Variants in KIAA1549L observed in about 807,000 individuals in gnomAD.
KIAA1549L encodes KIAA1549 like.
A neutral mutation model predicts 160.7 loss-of-function variants in KIAA1549L; 88 were observed. That is an observed-to-expected ratio of 0.55 (90% confidence interval 0.46 to 0.65). The LOEUF is 0.65. Ranked by LOEUF, KIAA1549L falls within the 30% of genes least tolerant of loss-of-function variation. KIAA1549L has a pLI of 0.00. For missense variants in KIAA1549L, 2,258 were observed against 2,437.5 expected, an observed-to-expected ratio of 0.93 and a Z score of 1.55; for synonymous variants, 950 against 976.7, an observed-to-expected ratio of 0.97 and a Z score of 0.51.
intron 9 of KIAA1549L, among the ~76,000 whole-genome samples, chr11:33,568,568 A>G (rs1028931493): frequency 5.3e-5 from 8 of 152,240 alleles, no homozygotes; most frequent in Admixed American, 1.3e-4. Flanking sequence ...AGTAAGCTCA[A>G]TGAAGTCCCA....
chr11:33,420,237 T>TTGTTTGTTTTTTTTGTTTTGTTTTG (rs1554975229), intron 1 of KIAA1549L, among the ~76,000 whole-genome samples: 21 of 98,732 alleles, frequency 2.1e-4, no homozygotes, highest in Non-Finnish European at 2.8e-4. Context: ...TTTTTTTTGT[T>TTGTTTGTTTTTTTTGTTTTGTTTTG]TTTTTTTTTT....
intron 15 of KIAA1549L, among the ~76,000 whole-genome samples, chr11:33,613,269 A>G (rs764937047): frequency 1.1e-4 from 16 of 152,042 alleles, no homozygotes; most frequent in Non-Finnish European, 1.6e-4. Flanking sequence ...AGCATCTACT[A>G]TTTTTTGACT....
chr11:33,383,371 A>G (rs1338639295), intron 1 of KIAA1549L, among the ~76,000 whole-genome samples: 1 of 151,934 alleles, frequency 6.6e-6, no homozygotes, highest in Non-Finnish European at 1.5e-5. Context: ...TTGACAACAT[A>G]TTAGAGGGGA....
chr11:33,446,735 A>G (rs1438147534), intron 1 of KIAA1549L, among the ~76,000 whole-genome samples: 2 of 152,042 alleles, frequency 1.3e-5, no homozygotes, highest in Admixed American at 6.6e-5. Flanking sequence ...TGACTGGAAC[A>G]TTGCTTCTTT....
Position 33,509,935 on chromosome 11 carries a change from A to T in KIAA1549L, c.239-31867A>T, listed in dbSNP as rs551111986. Among the ~76,000 whole-genome samples the T allele has an allele frequency of 3.9e-5, 6 of 152,226 alleles. No homozygotes were observed. The East Asian group carries it at 1.2e-3, about 29-fold the overall frequency. On this transcript the variant is annotated intron_variant, in intron 1 of 20. Coordinates refer to ENST00000658780, the MANE Select transcript of KIAA1549L (RefSeq NM_012194.3). The stretch of plus-strand genomic sequence containing the variant: ...AGGGACTCATTTCTCTCTGTCAGTA[A>T]TTGCTCTGCTGGTGCCACATTTCAT...
chr11:33,561,969 T>C (rs187194689), intron 8 of KIAA1549L, among the ~76,000 whole-genome samples: 196 of 152,314 alleles, frequency 1.3e-3, no homozygotes, highest in African/African-American at 4.5e-3. Context: ...TCCTCTTTTG[T>C]AAAAAGTGAC....
chr11:33,532,545 G>A (rs2746548), intron 1 of KIAA1549L, among the ~76,000 whole-genome samples: 106,231 of 152,102 alleles, frequency 0.7, 37,880 homozygotes, highest in African/African-American at 0.85. Context: ...AAGGAAACTG[G>A]CACACAGAGA....
chr11:33,543,931 T>C lies in KIAA1549L; in HGVS notation c.2368T>C (p.Ser790Pro), dbSNP rs887729384. Residue 790 changes from serine (S) to proline (P), a missense_variant, in exon 2 of 21, where the codon TCA becomes CCA. This residue lies in a region of KIAA1549L where 287 missense variants were observed against 292.3 expected (regional missense o/e 0.98). Coordinates refer to ENST00000658780, the MANE Select transcript of KIAA1549L (RefSeq NM_012194.3). ...AAGCATTGAGCAGCCTGTGCAACAG[T>C]CAGACATGACCATGGTTGGAAGCCA... ...GTSIEQPVQQSDMTMVGSHID... is the reference protein window; with the variant it reads ...GTSIEQPVQQPDMTMVGSHID... 4.3e-6 allele frequency: 7 copies of C among 1,613,936 alleles called. No individual in the cohort carries two copies. Among genetic ancestry groups the C allele is most frequent in the Non-Finnish European group, 5.1e-6 (6 of 1,179,878 alleles).
At position 33,672,704 on chromosome 11, in the gene KIAA1549L, ACT is replaced by A. The variant is rs1243262639; in HGVS notation, c.*4553_*4554del. On this transcript the variant is annotated 3_prime_UTR_variant, in exon 21 of 21. Coordinates refer to ENST00000658780, the MANE Select transcript of KIAA1549L (RefSeq NM_012194.3). ...TCAGGTGAGGGTGCACACACTTGAA[ACT>A]CTGCTAGACTGGCCAGAGCTGCCCC... 1.3e-5 allele frequency: 2 copies of A among 153,166 alleles called. No individual in the cohort carries two copies. The highest frequency in any genetic ancestry group is 2.4e-5 in the African/African-American group (1 of 41,226). 9.5% of individuals were successfully genotyped at this position (153,166 alleles called of 1,614,324 possible).
In KIAA1549L at chr11:33,543,531, G is replaced by A. The variant is rs765224714; in HGVS notation, c.1968G>A (p.Val656=). The stretch of plus-strand genomic sequence containing the variant: ...AGCCAGAGGCTTATGCAGCTGCTGT[G>A]GACCATTCTGGGTTGCCAGCTTCAG... ...STKPEAYAAA[V]DHSGLPASAS... is the part of the protein sequence containing the mutation. The change falls in exon 2 of 21, where the codon GTG becomes GTA. Residue 656 remains valine, a synonymous_variant. Transcript: ENST00000658780. The A allele has an allele frequency of 3.7e-6, 6 of 1,614,020 alleles. No homozygotes were observed. The Middle Eastern group carries it at 6.6e-4, about 178-fold the overall frequency.
intron 1 of KIAA1549L, among the ~76,000 whole-genome samples, chr11:33,427,551 A>C (rs1851144561): frequency 6.6e-6 from 1 of 151,084 alleles, no homozygotes; most frequent in Non-Finnish European, 1.5e-5. Flanking sequence ...TTTTCAGCAA[A>C]CCCCCTTGAA....
chr11:33,617,178 A>G (rs1331308805), intron 15 of KIAA1549L, among the ~76,000 whole-genome samples: 1 of 151,774 alleles, frequency 6.6e-6, no homozygotes, highest in Non-Finnish European at 1.5e-5. Context: ...TTCTGAAGAT[A>G]GATAGTCTTA....
At chr11:33,630,361 G>A (rs779786794) in intron 16 of KIAA1549L, among the ~76,000 whole-genome samples, 2 of 151,558 alleles carry the variant, frequency 1.3e-5, no homozygotes, top group Non-Finnish European at 2.9e-5. Context: ...GGGCAATGGC[G>A]GGCGCCCCTC....
chr11:33,598,196 G>GTA, intron 12 of KIAA1549L, among the ~76,000 whole-genome samples: 1 of 132,192 alleles, frequency 7.6e-6, no homozygotes, highest in African/African-American at 3.0e-5. Flanking sequence ...ATGTTTGTGT[G>GTA]TGTGTGTGTG....
At chr11:33,656,460 G>T (rs1169007575) in intron 18 of KIAA1549L, among the ~76,000 whole-genome samples, 1 of 152,190 alleles carries the variant, frequency 6.6e-6, no homozygotes, top group Non-Finnish European at 1.5e-5. Flanking sequence ...TTATTTAAGG[G>T]TGGTGTCTGA....
At chr11:33,436,093 A>G (rs1050141699) in intron 1 of KIAA1549L, among the ~76,000 whole-genome samples, 1 of 151,892 alleles carries the variant, frequency 6.6e-6, no homozygotes, top group African/African-American at 2.4e-5. Context: ...ATACGGGAAG[A>G]TGTAATTGCA....
At chr11:33,531,278 G>C (rs982710717) in intron 1 of KIAA1549L, among the ~76,000 whole-genome samples, 1 of 152,104 alleles carries the variant, frequency 6.6e-6, no homozygotes, top group African/African-American at 2.4e-5. Flanking sequence ...TTGGAGAACA[G>C]CCTAATCAAT....
chr11:33,582,981 T>G (rs1855691015), intron 10 of KIAA1549L, among the ~76,000 whole-genome samples: 1 of 152,226 alleles, frequency 6.6e-6, no homozygotes, highest in African/African-American at 2.4e-5. Flanking sequence ...CAGCTTCACT[T>G]TTCTTTTGAC....
intron 18 of KIAA1549L, among the ~76,000 whole-genome samples, chr11:33,656,944 C>T (rs1370235074): frequency 6.6e-6 from 1 of 152,160 alleles, no homozygotes; most frequent in Non-Finnish European, 1.5e-5. Flanking sequence ...CAGCAGTTGG[C>T]CTTGCCCCTC....
Sources: allele counts gnomAD v4.1 joint callset (sites outside exome capture counted in the v4.1 genomes callset), GRCh38; gene constraint gnomAD v4.1.1; regional missense constraint gnomAD v4.1.1; transcripts MANE v1.5; gene names NCBI Gene and HGNC (gene_info 2026-07-23, HGNC 2026-07-21).